FAM184A: variants seen among roughly 807,000 people sequenced by gnomAD.
FAM184A encodes protein FAM184A.
FAM184A carries 99 observed loss-of-function variants against 143.8 expected under a neutral mutation model. That is an observed-to-expected ratio of 0.69 (90% CI 0.58 to 0.81). The LOEUF (loss-of-function observed/expected upper bound fraction) is 0.81. Ranked by LOEUF, FAM184A falls within the 40% of genes least tolerant of loss-of-function variation. The probability of loss-of-function intolerance (pLI) is 0.00; values close to 1 mark genes in which losing one functional copy is unlikely to be tolerated. For missense variants in FAM184A, 1,217 were observed against 1,310.5 expected, an observed-to-expected ratio of 0.93 and a Z score of 1.10; for synonymous variants, 427 against 446.4, an observed-to-expected ratio of 0.96 and a Z score of 0.55.
intron 1 of FAM184A, among the ~76,000 whole-genome samples, chr6:119,109,331 C>T (rs1788870199): frequency 6.6e-6 from 1 of 152,216 alleles, no homozygotes; most frequent in African/African-American, 2.4e-5. Context: ...ATTAGAGTCA[C>T]AGATTTAGAC....
intron 1 of FAM184A, among the ~76,000 whole-genome samples, chr6:119,041,216 G>T (rs1419257609): frequency 3.3e-5 from 5 of 152,140 alleles, no homozygotes; most frequent in Admixed American, 1.3e-4. Context: ...GCCCAAGGCC[G>T]CAGACACAAG....
At chr6:119,056,805 T>C (rs759018774) in intron 1 of FAM184A, among the ~76,000 whole-genome samples, 1 of 152,166 alleles carries the variant, frequency 6.6e-6, no homozygotes, top group Non-Finnish European at 1.5e-5. Flanking sequence ...AGGAACTATA[T>C]CCCATATAAG....
chr6:119,136,042 G>A (rs1277110003), intron 1 of FAM184A, among the ~76,000 whole-genome samples: 1 of 150,336 alleles, frequency 6.7e-6, no homozygotes, highest in Non-Finnish European at 1.5e-5. Context: ...ACTTTGGGAG[G>A]CCGAGGCGGG....
At chr6:118,985,284 T>C (rs1784155684) in intron 9 of FAM184A, among the ~76,000 whole-genome samples, 4 of 152,238 alleles carry the variant, frequency 2.6e-5, no homozygotes, top group Admixed American at 2.6e-4. Flanking sequence ...CTGGGGCAGC[T>C]GATGGGGACA....
chr6:118,969,488 A>C (rs1226639991), intron 14 of FAM184A, among the ~76,000 whole-genome samples: 1 of 152,246 alleles, frequency 6.6e-6, no homozygotes, highest in Non-Finnish European at 1.5e-5. Context: ...TTCATTAATT[A>C]CTAGTCTTTC....
intron 1 of FAM184A, among the ~76,000 whole-genome samples, chr6:119,086,581 A>G (rs114106967): frequency 1.4e-4 from 22 of 152,300 alleles, no homozygotes; most frequent in African/African-American, 5.3e-4. Context: ...TTTAGGGAAA[A>G]GCAAGTAGTG....
At chr6:119,137,363 C>T (rs369275040) in intron 1 of FAM184A, among the ~76,000 whole-genome samples, 12 of 152,066 alleles carry the variant, frequency 7.9e-5, no homozygotes, top group African/African-American at 2.9e-4. Flanking sequence ...AGCTCTTTCT[C>T]CATTTTGTTA....
intron 1 of FAM184A, among the ~76,000 whole-genome samples, chr6:119,059,944 T>A (rs1323725380): frequency 6.6e-6 from 1 of 152,224 alleles, no homozygotes; most frequent in Non-Finnish European, 1.5e-5. Context: ...CCATTGCATT[T>A]TTATAAATAA....
In FAM184A at chr6:119,051,020, G is replaced by A. The variant is rs187952580; in HGVS notation, c.160-26207C>T. Reference sequence around the variant, plus strand: ...GTGGAGGGTGGGAGGAGGGAAAGGAGCAGAAAAAATAACTGTTGGGTACTA... The same window carrying A: ...GTGGAGGGTGGGAGGAGGGAAAGGAACAGAAAAAATAACTGTTGGGTACTA... On this transcript the variant is annotated intron_variant, in intron 1 of 17. Transcript: ENST00000338891. Among the ~76,000 whole-genome samples the A allele has an allele frequency of 2.8e-4, 42 of 152,262 alleles. No homozygotes were observed. In the East Asian group the frequency reaches 6.4e-3, roughly 23 times the overall value.
rs778298609 is a variant in FAM184A at position 119,025,740 on chromosome 6, C to T, written c.160-927G>A. 25 of 407,778 alleles carry T rather than the reference C, an allele frequency of 6.1e-5. 1 individual carries two copies. In the East Asian group the frequency reaches 7.8e-4, roughly 13 times the overall value. 25.3% of individuals were successfully genotyped at this position (407,778 alleles called of 1,614,324 possible). On this transcript the variant is annotated intron_variant, in intron 1 of 17. Transcript: ENST00000338891. Reference sequence around the variant, plus strand: ...TTGAGATGAGCCCACTTTCTTCCCCCGGAAGCGAAAAGAAGTAAACACTGT... The same window carrying T: ...TTGAGATGAGCCCACTTTCTTCCCCTGGAAGCGAAAAGAAGTAAACACTGT...
At position 119,024,184 on chromosome 6, in the gene FAM184A, A is replaced by T; in HGVS notation, c.789T>A (p.Leu263=). ...NKAQSFYERE[L]DTLKRSQLFT... is the part of the protein sequence containing the mutation. Reference sequence around the variant, plus strand: ...AAAGCTGTGACCTTTTCAAAGTATCAAGCTCACGTTCATAAAAGGACTGAG... The same window carrying T: ...AAAGCTGTGACCTTTTCAAAGTATCTAGCTCACGTTCATAAAAGGACTGAG... The change falls in exon 2 of 18, where the codon CTT becomes CTA. Residue 263 remains leucine, a synonymous_variant. Coordinates refer to ENST00000338891, the MANE Select transcript of FAM184A (RefSeq NM_024581.6). 6.2e-7 allele frequency: 1 copy of T among 1,614,202 alleles called. No homozygotes were observed. The highest frequency in any genetic ancestry group is 8.5e-7 in the Non-Finnish European group (1 of 1,180,038).
intron 15 of FAM184A, among the ~76,000 whole-genome samples, chr6:118,964,977 C>T (rs185184863): frequency 2.0e-5 from 3 of 152,134 alleles, no homozygotes; most frequent in South Asian, 4.1e-4. Context: ...ACCCCATACC[C>T]GAGCACTTGA....
At chr6:119,076,178 T>C (rs1425082270) in intron 1 of FAM184A, among the ~76,000 whole-genome samples, 1 of 152,238 alleles carries the variant, frequency 6.6e-6, no homozygotes, top group African/African-American at 2.4e-5. Context: ...CCAAACATCC[T>C]ATAATGCACA....
intron 1 of FAM184A, among the ~76,000 whole-genome samples, chr6:119,147,587 C>T (rs536550011): frequency 1.8e-4 from 28 of 152,246 alleles, no homozygotes; most frequent in African/African-American, 6.5e-4. Flanking sequence ...GGAAACCAAC[C>T]CCCTTATGTA....
chr6:119,065,526 T>C (rs1447939377), intron 1 of FAM184A, among the ~76,000 whole-genome samples: 1 of 152,172 alleles, frequency 6.6e-6, no homozygotes, highest in Non-Finnish European at 1.5e-5. Context: ...CTAACACGTG[T>C]CCTTCCTTTA....
intron 1 of FAM184A, among the ~76,000 whole-genome samples, chr6:119,099,690 G>A (rs7746622): frequency 0.63 from 95,579 of 151,450 alleles, 30,828 homozygotes; most frequent in East Asian, 0.96. Context: ...CGAAGTCTCC[G>A]TAAAAGGCGC....
chr6:119,040,670 T>C (rs762700649), intron 1 of FAM184A, among the ~76,000 whole-genome samples: 1 of 152,198 alleles, frequency 6.6e-6, no homozygotes, highest in African/African-American at 2.4e-5. Context: ...CAAATACGAA[T>C]TGGAACTCTG....
intron 6 of FAM184A, among the ~76,000 whole-genome samples, chr6:119,007,270 G>A (rs1002157790): frequency 6.6e-6 from 1 of 151,930 alleles, no homozygotes; most frequent in East Asian, 1.9e-4. Context: ...AGTAAAAACC[G>A]CATTCTTATA....
intron 3 of FAM184A, among the ~76,000 whole-genome samples, chr6:119,020,616 G>A (rs1446057816): frequency 6.6e-6 from 1 of 152,174 alleles, no homozygotes; most frequent in East Asian, 1.9e-4. Context: ...ACATAAAAAG[G>A]AAGAAGTTTG....
Sources: gnomAD v4.1 joint callset for allele counts (sites outside exome capture counted in the v4.1 genomes callset) on GRCh38, gnomAD v4.1.1 for gene constraint, MANE v1.5 for transcripts, NCBI Gene and HGNC (gene_info 2026-07-23, HGNC 2026-07-21) for gene names.